Variants in CC2D2A observed in about 807,000 individuals in gnomAD.
The protein encoded by CC2D2A is coiled-coil and C2 domain containing 2A.
Under a neutral mutation model 212.9 loss-of-function variants are expected in CC2D2A, and 155 were observed. The ratio of observed to expected loss-of-function variants is 0.73; its 90% confidence interval spans 0.64 to 0.83. CC2D2A has a LOEUF of 0.83. CC2D2A is among the 40% of genes least tolerant of loss of function. The probability of loss-of-function intolerance (pLI) is 0.00; values close to 1 mark genes in which losing one functional copy is unlikely to be tolerated. For synonymous variants in CC2D2A, 667 were observed against 686.5 expected, an observed-to-expected ratio of 0.97 and a Z score of 0.44; for missense variants, 1,856 against 1,956.2, an observed-to-expected ratio of 0.95 and a Z score of 0.97.
chr4:15,480,265 T>G (rs959651637), intron 3 of CC2D2A, among the ~76,000 whole-genome samples: 1 of 152,208 alleles, frequency 6.6e-6, no homozygotes, highest in Admixed American at 6.5e-5. Context: ...TTGTTTTCCT[T>G]CACTGAGAGT....
intron 26 of CC2D2A, among the ~76,000 whole-genome samples, chr4:15,568,512 C>T (rs1445103797): frequency 1.3e-5 from 2 of 152,106 alleles, no homozygotes; most frequent in African/African-American, 4.8e-5. Flanking sequence ...TACTTGAACC[C>T]GGGAGGTGGA....
intron 11 of CC2D2A, among the ~76,000 whole-genome samples, chr4:15,518,736 G>T (rs985592570): frequency 1.6e-4 from 25 of 152,246 alleles, no homozygotes; most frequent in Admixed American, 8.5e-4. Context: ...TGTGGAAGCT[G>T]CCAGGACTTG....
chr4:15,576,395 C>T, intron 29 of CC2D2A: 1 of 984,260 alleles, frequency 1.0e-6, no homozygotes, highest in African/African-American at 1.7e-5. Context: ...AGAGTCTCTC[C>T]TCTACCACCA....
chr4:15,490,484 T>C (rs561907295), intron 4 of CC2D2A, among the ~76,000 whole-genome samples: 1 of 152,340 alleles, frequency 6.6e-6, no homozygotes. Flanking sequence ...TTCAATTTCA[T>C]TTCTTTTGTT....
chr4:15,479,067 C>T (rs1275438037), intron 3 of CC2D2A, among the ~76,000 whole-genome samples: 1 of 152,162 alleles, frequency 6.6e-6, no homozygotes, highest in African/African-American at 2.4e-5. Context: ...CTCCCATCTC[C>T]TGAGAGAGGA....
Position 15,540,814 on chromosome 4 carries a change from C to T in CC2D2A, c.2004-23C>T, listed in dbSNP as rs371521442. On this transcript the variant is annotated intron_variant, in intron 16 of 36. Transcript: ENST00000424120. ...CTTAGTAAATTATTACTAACTCCAC[C>T]TGTGAATGGTCTCCTTTTGCAGAGC... is the stretch of plus-strand genomic sequence containing the variant. 16 of 1,581,908 alleles carry T rather than the reference C, an allele frequency of 1.0e-5. No homozygotes were observed. The African/African-American group carries it at 1.2e-4, about 12-fold the overall frequency.
chr4:15,554,094 C>G (rs975094840), intron 19 of CC2D2A, among the ~76,000 whole-genome samples: 4 of 152,208 alleles, frequency 2.6e-5, no homozygotes, highest in South Asian at 2.1e-4. Flanking sequence ...GTGATAAAAA[C>G]CACAAGGAGA....
At chr4:15,572,388 T>C (rs1163558065) in intron 28 of CC2D2A, among the ~76,000 whole-genome samples, 1 of 152,182 alleles carries the variant, frequency 6.6e-6, no homozygotes, top group Non-Finnish European at 1.5e-5. Flanking sequence ...CTATTGAACT[T>C]TTTTGTTTCT....
chr4:15,543,080 T>C (rs1003205964), intron 17 of CC2D2A, among the ~76,000 whole-genome samples: 10 of 152,156 alleles, frequency 6.6e-5, no homozygotes, highest in African/African-American at 2.4e-4. Flanking sequence ...CCTGTGGCAG[T>C]TCTGTCCTGT....
intron 17 of CC2D2A, among the ~76,000 whole-genome samples, chr4:15,547,797 T>G (rs955971700): frequency 2.6e-5 from 4 of 152,128 alleles, no homozygotes. Flanking sequence ...CCCAGCACTT[T>G]GGGAGGTCAT....
chr4:15,488,655 A>T (rs1163042276), intron 4 of CC2D2A, among the ~76,000 whole-genome samples: 1 of 152,158 alleles, frequency 6.6e-6, no homozygotes, highest in African/African-American at 2.4e-5. Context: ...CAAACTTCTC[A>T]TGAGTCTAGG....
intron 35 of CC2D2A, among the ~76,000 whole-genome samples, chr4:15,597,811 T>C (rs1376591573): frequency 6.6e-6 from 1 of 152,198 alleles, no homozygotes; most frequent in Non-Finnish European, 1.5e-5. Flanking sequence ...GCAGCTAGTT[T>C]ATGGACCTAA....
intron 6 of CC2D2A, among the ~76,000 whole-genome samples, chr4:15,507,091 G>GA (rs1020246995): frequency 8.1e-5 from 12 of 147,498 alleles, no homozygotes; most frequent in African/African-American, 1.5e-4. Flanking sequence ...AAAAAAAAAA[G>GA]AAAAAAAAAT....
intron 30 of CC2D2A, among the ~76,000 whole-genome samples, chr4:15,583,164 T>C (rs1159300656): frequency 3.3e-5 from 5 of 152,090 alleles, no homozygotes; most frequent in Non-Finnish European, 5.9e-5. Flanking sequence ...ACTCAATGAA[T>C]TGGGTATAGA....
intron 31 of CC2D2A, 146 bp downstream of exon 31, chr4:15,586,392 A>AT: frequency 2.1e-6 from 1 of 480,194 alleles, no homozygotes; most frequent in Non-Finnish European, 3.6e-6. Context: ...ATTTTGAAGT[A>AT]TTTTTTCTTC....
At chr4:15,598,738 T>G (rs976809429) in intron 35 of CC2D2A, among the ~76,000 whole-genome samples, 32 of 152,336 alleles carry the variant, frequency 2.1e-4, no homozygotes, top group African/African-American at 7.0e-4. Context: ...ATGATGTGAA[T>G]AAATCACGAG....
intron 4 of CC2D2A, among the ~76,000 whole-genome samples, chr4:15,495,750 G>A (rs528759310): frequency 3.9e-5 from 6 of 152,286 alleles, no homozygotes; most frequent in African/African-American, 1.2e-4. Context: ...TGTATACCCA[G>A]TAATGGGATT....
intron 4 of CC2D2A, among the ~76,000 whole-genome samples, chr4:15,488,538 C>T (rs889713539): frequency 2.0e-5 from 3 of 152,128 alleles, no homozygotes; most frequent in African/African-American, 7.2e-5. Context: ...TTTTATAGAC[C>T]TTGCAGTAGT....
intron 6 of CC2D2A, among the ~76,000 whole-genome samples, 200 bp from the exon 7 acceptor site, chr4:15,509,939 A>G (rs1323679200): frequency 6.6e-6 from 1 of 152,238 alleles, no homozygotes; most frequent in African/African-American, 2.4e-5. Flanking sequence ...GACCTCCGTC[A>G]TGCATGCAGT....
Sources: allele counts gnomAD v4.1 joint callset (sites outside exome capture counted in the v4.1 genomes callset), GRCh38; gene constraint gnomAD v4.1.1; transcripts MANE v1.5; gene names NCBI Gene and HGNC (gene_info 2026-07-23, HGNC 2026-07-21).